Variants in FERRY3 observed in about 807,000 individuals in gnomAD.
FERRY3 encodes protein C12orf4.
At chr12:4,491,309 A>G in the FERRY3 span, 6 of 1,324,946 alleles carry the variant, frequency 4.5e-6, no homozygotes, top group African/African-American at 1.4e-5. Flanking sequence ...ATCTTTATCT[A>G]TAGTGTTGAC....
chr12:4,509,953 C>T, the FERRY3 span, among the ~76,000 whole-genome samples: 24 of 135,486 alleles, frequency 1.8e-4, no homozygotes, highest in South Asian at 4.5e-4. Context: ...CTCTGAGCTA[C>T]GGGAGGACAT....
chr12:4,502,635 G>A, the FERRY3 span, among the ~76,000 whole-genome samples: 4 of 152,082 alleles, frequency 2.6e-5, no homozygotes, highest in Admixed American at 1.3e-4. This position sits in a 1 kb window ranked among gnomAD's most constrained non-coding sequence, Gnocchi z 4.2. Flanking sequence ...AATTCTGCTC[G>A]CCCTTGCAGC....
At chr12:4,500,063 T>C in the FERRY3 span, 1 of 1,364,724 alleles carries the variant, frequency 7.3e-7, no homozygotes, top group Non-Finnish European at 1.0e-6. Flanking sequence ...AGTGGATTAT[T>C]ATATAATATT....
chr12:4,532,630 C>T, the FERRY3 span, among the ~76,000 whole-genome samples: 1 of 152,180 alleles, frequency 6.6e-6, no homozygotes, highest in African/African-American at 2.4e-5. Flanking sequence ...CTACAACCTC[C>T]ACCCAAGATT....
the FERRY3 span, among the ~76,000 whole-genome samples, chr12:4,494,228 T>A: frequency 0.042 from 6,319 of 149,816 alleles, 421 homozygotes; most frequent in African/African-American, 0.14. Context: ...TTTATAAATT[T>A]AAAAAAAAAA....
the FERRY3 span, among the ~76,000 whole-genome samples, chr12:4,526,660 G>A: frequency 2.0e-5 from 3 of 152,116 alleles, no homozygotes; most frequent in African/African-American, 7.2e-5. Context: ...TGGCCAACGT[G>A]ATGAAACTCC....
the FERRY3 span, chr12:4,529,755 GA>G: frequency 1.2e-6 from 1 of 865,136 alleles, no homozygotes; most frequent in Non-Finnish European, 1.7e-6. Flanking sequence ...TTCTAATATT[GA>G]AGTTTTTTTT....
the FERRY3 span, among the ~76,000 whole-genome samples, chr12:4,524,107 T>C: frequency 2.0e-5 from 3 of 152,142 alleles, no homozygotes; most frequent in African/African-American, 7.2e-5. Context: ...AAGGGATAAC[T>C]TTCACAGCAA....
At chr12:4,528,760 TTTC>T in the FERRY3 span, among the ~76,000 whole-genome samples, 1 of 152,190 alleles carries the variant, frequency 6.6e-6, no homozygotes, top group South Asian at 2.1e-4. Context: ...TACTTAAAAT[TTTC>T]TTAACCATGA....
chr12:4,499,000 G>A, the FERRY3 span, among the ~76,000 whole-genome samples: 2 of 152,142 alleles, frequency 1.3e-5, no homozygotes, highest in African/African-American at 2.4e-5. Context: ...TGTTATACAG[G>A]ATATGAAATT....
At chr12:4,493,066 G>A in the FERRY3 span, among the ~76,000 whole-genome samples, 1 of 151,878 alleles carries the variant, frequency 6.6e-6, no homozygotes, top group African/African-American at 2.4e-5. Context: ...TATTGAACCT[G>A]ATCTTCATTT....
the FERRY3 span, chr12:4,488,315 A>C: frequency 0.16 from 23,737 of 152,198 alleles, 2,054 homozygotes; most frequent in Non-Finnish European, 0.19. The surrounding 1 kb of genome is among the most constrained non-coding windows in gnomAD (Gnocchi z 4.9). Flanking sequence ...TCTGGGCTGC[A>C]CTGATCTACC....
the FERRY3 span, chr12:4,491,156 CAGAG>C: frequency 7.5e-4 from 1,203 of 1,610,898 alleles, 11 homozygotes; most frequent in East Asian, 0.023. Context: ...TGGTGGTTGT[CAGAG>C]AGAAGATTAT....
At chr12:4,494,283 G>A in the FERRY3 span, among the ~76,000 whole-genome samples, 2 of 151,866 alleles carry the variant, frequency 1.3e-5, no homozygotes, top group Admixed American at 6.6e-5. Flanking sequence ...ACAGCCTGAG[G>A]CTTGAATTTT....
chr12:4,505,588 T>G, the FERRY3 span, among the ~76,000 whole-genome samples: 1 of 152,222 alleles, frequency 6.6e-6, no homozygotes, highest in African/African-American at 2.4e-5. Flanking sequence ...GTCCTACTAC[T>G]ATGTCCATTT....
At chr12:4,489,875 G>C in the FERRY3 span, 2 of 1,609,098 alleles carry the variant, frequency 1.2e-6, no homozygotes, top group Non-Finnish European at 1.7e-6. Flanking sequence ...TTACTAAGTT[G>C]ATAAAACATT....
the FERRY3 span, chr12:4,488,788 T>G: frequency 6.6e-6 from 1 of 152,214 alleles, no homozygotes; most frequent in East Asian, 1.9e-4. The surrounding 1 kb of genome is among the most constrained non-coding windows in gnomAD (Gnocchi z 4.9). Flanking sequence ...ACTATTGCTT[T>G]TCTAAACACC....
chr12:4,491,466 A>T, the FERRY3 span, among the ~76,000 whole-genome samples: 6 of 152,126 alleles, frequency 3.9e-5, no homozygotes, highest in South Asian at 2.1e-4. Context: ...ACAGTTAAAA[A>T]ATATATATAT....
the FERRY3 span, chr12:4,491,348 CTGTT>C: frequency 9.1e-6 from 8 of 878,522 alleles, no homozygotes; most frequent in Middle Eastern, 3.0e-4. Flanking sequence ...ATTTAGGTAA[CTGTT>C]TGCTAATCCC....
Sources: allele counts gnomAD v4.1 joint callset (sites outside exome capture counted in the v4.1 genomes callset), GRCh38; gene constraint gnomAD v4.1.1; non-coding constraint Gnocchi (gnomAD v3.1); transcripts MANE v1.5; gene names NCBI Gene and HGNC (gene_info 2026-07-23, HGNC 2026-07-21).